Variants in ABCC5 observed in about 807,000 individuals in gnomAD.
ABCC5 encodes the protein ATP binding cassette subfamily C member 5, also known as ATP-binding cassette sub-family C member 5.
Under a neutral mutation model 160.9 loss-of-function variants are expected in ABCC5, and 61 were observed. The observed-to-expected ratio is 0.38, with a 90% confidence interval of 0.31 to 0.47. The LOEUF is 0.47. Among genes scored for constraint, ABCC5 ranks in the 20% least tolerant of loss-of-function variants. The probability of loss-of-function intolerance (pLI) is 0.99; values close to 1 mark genes in which losing one functional copy is unlikely to be tolerated. For missense variants in ABCC5, 1,308 were observed against 1,813.3 expected (o/e 0.72, Z 5.06); for synonymous variants, 666 against 700.6 (o/e 0.95, Z 0.78).
chr3:183,946,604 T>C (rs2108789353), intron 23 of ABCC5, among the ~76,000 whole-genome samples: 1 of 152,272 alleles, frequency 6.6e-6, no homozygotes, highest in East Asian at 1.9e-4. Context: ...AACTCTACCA[T>C]AAAAATGATC....
chr3:183,997,700 A>G (rs998912244), intron 2 of ABCC5, among the ~76,000 whole-genome samples: 3 of 152,190 alleles, frequency 2.0e-5, no homozygotes, highest in East Asian at 3.9e-4. Context: ...TACATTCTAC[A>G]TATCATCAAT....
At chr3:183,954,873 A>G (rs989526350) in intron 17 of ABCC5, among the ~76,000 whole-genome samples, 2 of 152,164 alleles carry the variant, frequency 1.3e-5, no homozygotes, top group African/African-American at 2.4e-5. Flanking sequence ...ATCAATCAAT[A>G]TAAGTGGGGT....
chr3:184,005,243 G>A (rs1721084977), intron 2 of ABCC5, among the ~76,000 whole-genome samples: 2 of 152,116 alleles, frequency 1.3e-5, no homozygotes, highest in South Asian at 4.1e-4. Flanking sequence ...CGGCCTTTGA[G>A]GTTCCATCCA....
chr3:184,015,655 G>A lies in ABCC5; in HGVS notation c.-55-1208C>T, dbSNP rs190319988. On this transcript the variant is annotated intron_variant, in intron 1 of 29. Coordinates refer to ENST00000334444, the MANE Select transcript of ABCC5 (RefSeq NM_005688.4). ...CTTGCCTTTCAGAATTCTGGTTCAAGTACCCTAAGTTGATATAGCTGTTAC... is the reference window on the plus strand; with the variant it reads ...CTTGCCTTTCAGAATTCTGGTTCAAATACCCTAAGTTGATATAGCTGTTAC... Among the ~76,000 whole-genome samples, 6 of 150,912 alleles carry A rather than the reference G, an allele frequency of 4.0e-5. No individual in the cohort carries two copies. In the East Asian group the frequency reaches 1.2e-3, roughly 29 times the overall value.
chr3:184,000,078 GC>G (rs1388358246), intron 2 of ABCC5, among the ~76,000 whole-genome samples: 1 of 152,002 alleles, frequency 6.6e-6, no homozygotes, highest in Non-Finnish European at 1.5e-5. Context: ...TGACCAAGTG[GC>G]TGGGCGCGGC....
intron 2 of ABCC5, among the ~76,000 whole-genome samples, chr3:184,003,588 A>C (rs1720929384): frequency 6.6e-6 from 1 of 152,248 alleles, no homozygotes; most frequent in African/African-American, 2.4e-5. Flanking sequence ...TACTACACTG[A>C]GAAAAGAATT....
Position 183,986,605 on chromosome 3 carries a change from A to G in ABCC5, c.591+1165T>C, listed in dbSNP as rs544417559. ...CCAATGAAGTTCTTGCATTGGCCAA[A>G]TGGAATCAAGAAAGCCCATGATCAC... On this transcript the variant is annotated intron_variant, in intron 5 of 29. Coordinates refer to ENST00000334444, the MANE Select transcript of ABCC5 (RefSeq NM_005688.4). 3 of 152,322 alleles carry G rather than the reference A, an allele frequency of 2.0e-5. No homozygotes were observed. The South Asian group carries it at 6.2e-4, about 32-fold the overall frequency. 9.4% of individuals were successfully genotyped at this position (152,322 alleles called of 1,614,324 possible). A position where few individuals can be genotyped will look rare whatever the true frequency, so the allele number is the denominator to read the frequency against.
At chr3:183,954,768 A>T (rs556062758) in intron 17 of ABCC5, among the ~76,000 whole-genome samples, 2 of 152,318 alleles carry the variant, frequency 1.3e-5, no homozygotes, top group South Asian at 2.1e-4. Flanking sequence ...CACGGTTAAG[A>T]ATCATGACCA....
chr3:183,988,567 C>T lies in ABCC5; in HGVS notation c.443+5G>A. On this transcript the variant is annotated splice_donor_5th_base_variant and intron_variant, in intron 4 of 29. Transcript: ENST00000334444. This position sits in a 1 kb window ranked among gnomAD's most constrained non-coding sequence, Gnocchi z 4.4. The stretch of plus-strand genomic sequence containing the variant: ...GGGAGATGAGGGTGGACCAGAGGCG[C>T]CTACCTTCTGCAGTTCACGTCAGAA... 3 of 1,611,192 alleles carry T rather than the reference C, an allele frequency of 1.9e-6. No individual in the cohort carries two copies. The highest frequency in any genetic ancestry group is 4.5e-5 in the East Asian group (2 of 44,884).
intron 2 of ABCC5, among the ~76,000 whole-genome samples, chr3:184,003,623 TG>T (rs1720931982): frequency 6.6e-6 from 1 of 152,222 alleles, no homozygotes; most frequent in Non-Finnish European, 1.5e-5. Context: ...CTCACTTATC[TG>T]TAGCTGTGCT....
At chr3:183,941,705 C>T (rs1311160435) in intron 25 of ABCC5, among the ~76,000 whole-genome samples, 1 of 152,002 alleles carries the variant, frequency 6.6e-6, no homozygotes, top group Non-Finnish European at 1.5e-5. Context: ...AAAAAAGGGG[C>T]CGGGTGCGAT....
At position 183,947,470 on chromosome 3, in the gene ABCC5, A is replaced by G. The variant is rs746751816; in HGVS notation, c.3268T>C (p.Leu1090=). The G allele has an allele frequency of 3.1e-6, 5 of 1,605,576 alleles. No homozygotes were observed. In the East Asian group the frequency reaches 1.1e-4, roughly 36 times the overall value. The change falls in exon 23 of 30, where the codon TTG becomes CTG. Residue 1090 remains leucine, a synonymous_variant. Transcript: ENST00000334444. ...AGCCACCGCATCGCACACGTAAACAAAAAAAAAGGAGCTTGGTTGTCATCC... is the reference window on the plus strand; with the variant it reads ...AGCCACCGCATCGCACACGTAAACAGAAAAAAAGGAGCTTGGTTGTCATCC... ...LLDDNQAPFF[L]FTCAMRWLAV... is the part of the protein sequence containing the mutation.
chr3:183,938,306 T>A (rs529693707), intron 25 of ABCC5, among the ~76,000 whole-genome samples: 9 of 148,840 alleles, frequency 6.0e-5, no homozygotes, highest in African/African-American at 2.2e-4. Flanking sequence ...TCCATTTTCA[T>A]TTTTTTTTTT....
At chr3:183,978,442 C>A in intron 9 of ABCC5, 61 bp downstream of exon 9, 5 of 1,573,878 alleles carry the variant, frequency 3.2e-6, no homozygotes, top group Non-Finnish European at 4.3e-6. Context: ...GATTTTCCTG[C>A]CTCAGCCTCC....
At chr3:183,993,200 C>T (rs1719933738) in intron 2 of ABCC5, among the ~76,000 whole-genome samples, 1 of 152,018 alleles carries the variant, frequency 6.6e-6, no homozygotes, top group African/African-American at 2.4e-5. Context: ...GAAGGTACTG[C>T]CGGGCTGGGC....
chr3:183,927,583 A>C (rs1346591599), intron 27 of ABCC5, 140 bp from the exon 28 acceptor site: 2 of 1,430,396 alleles, frequency 1.4e-6, no homozygotes, highest in Non-Finnish European at 1.8e-6. Flanking sequence ...ATGAAGGTGC[A>C]GGTGTACTGA....
At chr3:183,937,639 G>C (rs1011569004) in intron 26 of ABCC5, among the ~76,000 whole-genome samples, 7 of 152,212 alleles carry the variant, frequency 4.6e-5, no homozygotes, top group African/African-American at 1.2e-4. Flanking sequence ...CGAAGTCACG[G>C]AGCAGAGCCC....
At chr3:183,977,741 A>T in intron 9 of ABCC5, 117 bp from the exon 10 acceptor site, 1 of 661,300 alleles carries the variant, frequency 1.5e-6, no homozygotes, top group Non-Finnish European at 2.6e-6. Context: ...GTCAGCTGTT[A>T]TTACAAGTCA....
chr3:183,957,943 C>T (rs1454160182), intron 17 of ABCC5, among the ~76,000 whole-genome samples: 1 of 150,236 alleles, frequency 6.7e-6, no homozygotes, highest in Non-Finnish European at 1.5e-5. Flanking sequence ...CATGCGGATC[C>T]GTGTGTACAT....
Sources: allele counts gnomAD v4.1 joint callset (sites outside exome capture counted in the v4.1 genomes callset), GRCh38; gene constraint gnomAD v4.1.1; non-coding constraint Gnocchi (gnomAD v3.1); transcripts MANE v1.5; gene names NCBI Gene and HGNC (gene_info 2026-07-23, HGNC 2026-07-21).